Variants in STPG1 observed in about 807,000 individuals in gnomAD.
The protein encoded by STPG1 is O(6)-methylguanine-induced apoptosis 2.
STPG1 carries 33 observed loss-of-function variants against 40.1 expected under a neutral mutation model. The ratio of observed to expected loss-of-function variants is 0.82; its 90% CI spans 0.62 to 1.10. The LOEUF (loss-of-function observed/expected upper bound fraction) is 1.10. Among genes scored for constraint, STPG1 ranks in the 50% least tolerant of loss-of-function variants. The pLI is 0.00. For missense variants in STPG1, 396 were observed against 415.1 expected (o/e 0.95, Z 0.40); for synonymous variants, 150 against 155.0 (o/e 0.97, Z 0.24).
intron 5 of STPG1, among the ~76,000 whole-genome samples, chr1:24,374,101 G>A (rs1641888347): frequency 6.6e-6 from 1 of 152,106 alleles, no homozygotes; most frequent in Admixed American, 6.6e-5. Context: ...CTAAGGACAG[G>A]CTGTGTGGCC....
At chr1:24,385,462 T>C (rs1011860782) in intron 3 of STPG1, among the ~76,000 whole-genome samples, 2 of 152,168 alleles carry the variant, frequency 1.3e-5, no homozygotes, top group African/African-American at 4.8e-5. Context: ...GTGTTGTGGA[T>C]GCAGATGCGA....
At chr1:24,383,167 C>A (rs1479742356) in intron 4 of STPG1, among the ~76,000 whole-genome samples, 1 of 152,140 alleles carries the variant, frequency 6.6e-6, no homozygotes, top group Non-Finnish European at 1.5e-5. Flanking sequence ...CCCGCATTGG[C>A]CTTCCGAAAT....
intron 2 of STPG1, among the ~76,000 whole-genome samples, chr1:24,396,901 G>C (rs1359683236): frequency 6.6e-6 from 1 of 152,134 alleles, no homozygotes; most frequent in Non-Finnish European, 1.5e-5. Context: ...TCTCAGATTG[G>C]ATAAGAAAGA....
intron 2 of STPG1, among the ~76,000 whole-genome samples, chr1:24,393,124 G>C (rs922214969): frequency 2.0e-5 from 3 of 152,126 alleles, no homozygotes; most frequent in Non-Finnish European, 4.4e-5. Flanking sequence ...GAACAGGTAG[G>C]GTGTGAACAT....
intron 3 of STPG1, 78 bp from the exon 4 acceptor site, chr1:24,384,081 C>T: frequency 1.1e-6 from 1 of 893,566 alleles, no homozygotes; most frequent in Admixed American, 1.7e-5. Context: ...CATCCATTAA[C>T]ACTAAGCCTT....
chr1:24,385,743 A>G (rs1053120067), intron 3 of STPG1, among the ~76,000 whole-genome samples: 1 of 152,190 alleles, frequency 6.6e-6, no homozygotes, highest in Non-Finnish European at 1.5e-5. Flanking sequence ...ATTACATAGG[A>G]TTAAAAAAAT....
chr1:24,363,613 T>C (rs1641263995), intron 7 of STPG1, among the ~76,000 whole-genome samples: 1 of 152,142 alleles, frequency 6.6e-6, no homozygotes, highest in South Asian at 2.1e-4. Flanking sequence ...CCCAGATTGT[T>C]AGGAAGATTG....
Position 24,385,807 on chromosome 1 carries a change from T to C in STPG1, c.190-1804A>G, listed in dbSNP as rs1163101621. Among the ~76,000 whole-genome samples, 6 of 152,360 alleles carry C rather than the reference T, an allele frequency of 3.9e-5. No homozygotes were observed. In the East Asian group the frequency reaches 1.2e-3, roughly 29 times the overall value. ...AGTCTCAGTGCTGCCACACGCTAAG[T>C]GATCTTGAGCAAGTCACCTCTCTGG... On this transcript the variant is annotated intron_variant, in intron 3 of 8. Coordinates refer to ENST00000337248, the MANE Select transcript of STPG1 (RefSeq NM_001199013.2).
intron 7 of STPG1, among the ~76,000 whole-genome samples, chr1:24,364,683 T>C (rs1641341316): frequency 6.6e-6 from 1 of 152,156 alleles, no homozygotes; most frequent in South Asian, 2.1e-4. Flanking sequence ...GGTCCCTCCA[T>C]GTCGAGGTGG....
At chr1:24,366,199 G>A (rs1022279092) in intron 7 of STPG1, among the ~76,000 whole-genome samples, 2 of 152,168 alleles carry the variant, frequency 1.3e-5, no homozygotes, top group Admixed American at 6.5e-5. Flanking sequence ...TGCATGGCAC[G>A]CGTGTGTTCC....
At chr1:24,393,201 G>A (rs498939) in intron 2 of STPG1, among the ~76,000 whole-genome samples, 34,345 of 152,162 alleles carry the variant, frequency 0.23, 4,000 homozygotes, top group East Asian at 0.3. Flanking sequence ...CTGGCCTCTA[G>A]TAAGTGCTCA....
intron 5 of STPG1, among the ~76,000 whole-genome samples, chr1:24,378,748 T>C (rs1356366222): frequency 6.6e-6 from 1 of 152,188 alleles, no homozygotes; most frequent in African/African-American, 2.4e-5. Flanking sequence ...AAAACCAAAA[T>C]AGTTTGGAAA....
At chr1:24,375,163 G>T (rs536831221) in intron 5 of STPG1, among the ~76,000 whole-genome samples, 1 of 152,238 alleles carries the variant, frequency 6.6e-6, no homozygotes, top group South Asian at 2.1e-4. Context: ...GAGAGTGCGC[G>T]ATGTGTTCAG....
chr1:24,399,030 T>C lies in STPG1; in HGVS notation c.70+2289A>G, dbSNP rs1414881995. On this transcript the variant is annotated intron_variant, in intron 2 of 8. Transcript: ENST00000337248. This position sits in a 1 kb window ranked among gnomAD's most constrained non-coding sequence, Gnocchi z 4.0. ...GATTTGATCATCGCACATTATATTC[T>C]TGTATCAAAATATCATGTGTGCACC... Among the ~76,000 whole-genome samples, 2 of 152,178 alleles carry C rather than the reference T, an allele frequency of 1.3e-5. No homozygotes were observed. Among genetic ancestry groups the C allele is most frequent in the Non-Finnish European group, 2.9e-5 (2 of 67,996 alleles).
At chr1:24,363,515 T>C (rs1641257105) in intron 7 of STPG1, among the ~76,000 whole-genome samples, 1 of 152,226 alleles carries the variant, frequency 6.6e-6, no homozygotes, top group Admixed American at 6.5e-5. Context: ...ACTTCCCCGT[T>C]CAACAGCTAT....
intron 3 of STPG1, 40 bp from the exon 4 acceptor site, chr1:24,384,043 A>C (rs758085452): frequency 2.4e-6 from 3 of 1,268,252 alleles, no homozygotes; most frequent in Admixed American, 3.4e-5. Flanking sequence ...AGATACTTCA[A>C]TTCCATTGTG....
intron 1 of STPG1, among the ~76,000 whole-genome samples, chr1:24,404,158 T>C (rs1643331115): frequency 6.6e-6 from 1 of 152,208 alleles, no homozygotes; most frequent in South Asian, 2.1e-4. Flanking sequence ...ATCAATTTTA[T>C]CAAATACTTT....
chr1:24,390,039 C>A (rs12140084), intron 3 of STPG1, among the ~76,000 whole-genome samples: 35,153 of 152,208 alleles, frequency 0.23, 4,641 homozygotes, highest in East Asian at 0.47. Flanking sequence ...GCCCCTCACT[C>A]CATGCCTTGG....
chr1:24,409,484 TTA>T (rs1643533448), intron 1 of STPG1, among the ~76,000 whole-genome samples: 1 of 152,246 alleles, frequency 6.6e-6, no homozygotes, highest in African/African-American at 2.4e-5. Flanking sequence ...TGTTCTGGAA[TTA>T]TGAGTGATTA....
Sources: gnomAD v4.1 joint callset for allele counts (sites outside exome capture counted in the v4.1 genomes callset) on GRCh38, gnomAD v4.1.1 for gene constraint, Gnocchi (gnomAD v3.1) non-coding constraint, MANE v1.5 for transcripts, NCBI Gene and HGNC (gene_info 2026-07-23, HGNC 2026-07-21) for gene names.